Variants in NTNG1 observed in about 807,000 individuals in gnomAD.
The protein encoded by NTNG1 is netrin G1.
In NTNG1, 16 loss-of-function variants were observed where a neutral mutation model predicts 54.0. The ratio of observed to expected loss-of-function variants is 0.30; its 90% CI spans 0.20 to 0.45. The LOEUF (loss-of-function observed/expected upper bound fraction) is 0.45, where lower values mean the gene tolerates loss of function less well. Ranked by LOEUF, NTNG1 falls within the 20% of genes least tolerant of loss-of-function variation. The pLI, the probability that NTNG1 is intolerant of heterozygous loss-of-function variation, is 1.00. For missense variants in NTNG1, 530 were observed against 678.7 expected (o/e 0.78, Z 2.43); for synonymous variants, 255 against 263.1 (o/e 0.97, Z 0.30).
chr1:107,453,562 C>T (rs1469099906), intron 7 of NTNG1, among the ~76,000 whole-genome samples: 2 of 152,124 alleles, frequency 1.3e-5, no homozygotes, highest in African/African-American at 2.4e-5. Context: ...GGGGTTTCTT[C>T]GGTCCAGCAT....
At chr1:107,152,856 C>T (rs75570413) in intron 2 of NTNG1, among the ~76,000 whole-genome samples, 7,343 of 152,062 alleles carry the variant, frequency 0.048, 566 homozygotes, top group African/African-American at 0.17. Flanking sequence ...CTCTGAGGTA[C>T]AGTTAGCAAT....
rs577193420 is a variant in NTNG1 at position 107,419,229 on chromosome 1, C to A, written c.1087+11521C>A. Among the ~76,000 whole-genome samples, 36 of 133,764 alleles carry A rather than the reference C, an allele frequency of 2.7e-4. No individual in the cohort carries two copies. The South Asian group carries it at 9.1e-3, about 34-fold the overall frequency. 87.8% of individuals were successfully genotyped at this position (133,764 alleles called of 152,430 possible). On this transcript the variant is annotated intron_variant, in intron 5 of 7. Coordinates refer to ENST00000370068, the MANE Select transcript of NTNG1 (RefSeq NM_001113226.3). ...GTCTCCTCTCTCCCTCTCCCCGCTA[C>A]CTCCTCCCTCCTCTCTCTCTCTCTC... is the stretch of plus-strand genomic sequence containing the variant.
chr1:107,288,940 C>T (rs1665397270), intron 2 of NTNG1, among the ~76,000 whole-genome samples: 1 of 152,128 alleles, frequency 6.6e-6, no homozygotes, highest in Non-Finnish European at 1.5e-5. Context: ...TTTATACACA[C>T]AAAGTATACA....
chr1:107,397,923 G>C (rs1346750462), intron 4 of NTNG1, among the ~76,000 whole-genome samples: 1 of 151,932 alleles, frequency 6.6e-6, no homozygotes, highest in Non-Finnish European at 1.5e-5. Context: ...ACCTTCAGCA[G>C]TTTTATGATT....
At chr1:107,230,290 A>G (rs545867779) in intron 2 of NTNG1, among the ~76,000 whole-genome samples, 1 of 152,292 alleles carries the variant, frequency 6.6e-6, no homozygotes, top group East Asian at 1.9e-4. Flanking sequence ...CCCCACCTGT[A>G]TGCGGGTGGG....
chr1:107,151,842 C>G (rs1407512892), intron 2 of NTNG1, among the ~76,000 whole-genome samples: 2 of 151,934 alleles, frequency 1.3e-5, no homozygotes, highest in Non-Finnish European at 2.9e-5. Context: ...TGCTTATTAA[C>G]CTGGATGGCA....
chr1:107,177,781 A>C (rs1390995702), intron 2 of NTNG1, among the ~76,000 whole-genome samples: 1 of 152,182 alleles, frequency 6.6e-6, no homozygotes, highest in African/African-American at 2.4e-5. Flanking sequence ...TCAGTTATAT[A>C]AATTGCCTTT....
intron 2 of NTNG1, among the ~76,000 whole-genome samples, chr1:107,277,315 A>ATTTCT (rs1664544220): frequency 6.6e-6 from 1 of 152,168 alleles, no homozygotes. Flanking sequence ...CCTTGCAGTT[A>ATTTCT]GATTTCAGAG....
intron 1 of NTNG1, among the ~76,000 whole-genome samples, chr1:107,146,075 T>G (rs1249656635): frequency 6.6e-6 from 1 of 152,018 alleles, no homozygotes; most frequent in East Asian, 1.9e-4. Flanking sequence ...AAAAAGAAAG[T>G]GAAGACTAAT....
At chr1:107,186,332 T>G (rs1451711693) in intron 2 of NTNG1, among the ~76,000 whole-genome samples, 7 of 152,190 alleles carry the variant, frequency 4.6e-5, no homozygotes, top group Admixed American at 3.9e-4. Context: ...TGTCTACTCT[T>G]GCCTCTTCTA....
chr1:107,219,503 T>A (rs934509196), intron 2 of NTNG1, among the ~76,000 whole-genome samples: 1 of 152,308 alleles, frequency 6.6e-6, no homozygotes, highest in South Asian at 2.1e-4. Context: ...TTTTGTCATG[T>A]TACTGGAATT....
rs200910536 is a variant in NTNG1 at position 107,246,413 on chromosome 1, A to AAAT, written c.247-77867_247-77866insTAA. On this transcript the variant is annotated intron_variant, in intron 2 of 7. Transcript: ENST00000370068. ...TTTTATTCTCCTTGTTTAAGCAAAAAAAAAAAAAAAATGTCCTTGTGGGAA... is the reference window on the plus strand; with the variant it reads ...TTTTATTCTCCTTGTTTAAGCAAAAAAATAAAAAAAAAAATGTCCTTGTGGGAA... 3.3e-3 allele frequency among the ~76,000 whole-genome samples: 490 copies of AAAT among 150,722 alleles called. 3 individuals are homozygous for AAAT. The highest frequency in any genetic ancestry group is 0.012 in the African/African-American group (467 of 40,404).
At chr1:107,409,297 T>C (rs767051016) in intron 5 of NTNG1, 12 of 152,194 alleles carry the variant, frequency 7.9e-5, no homozygotes, top group African/African-American at 1.2e-4. Context: ...TGACACAGAT[T>C]ATTGAGGCTG....
intron 2 of NTNG1, among the ~76,000 whole-genome samples, chr1:107,293,540 T>A (rs1455413119): frequency 6.6e-6 from 1 of 152,180 alleles, no homozygotes; most frequent in Non-Finnish European, 1.5e-5. Flanking sequence ...GTTCCCAATG[T>A]CTTGGAAATT....
intron 3 of NTNG1, among the ~76,000 whole-genome samples, chr1:107,336,351 C>T (rs143643464): frequency 2.0e-5 from 3 of 151,528 alleles, no homozygotes; most frequent in East Asian, 3.9e-4. Flanking sequence ...CCAAGACCAT[C>T]GAGTGAGGAA....
At chr1:107,300,717 T>G (rs896620336) in intron 2 of NTNG1, among the ~76,000 whole-genome samples, 1 of 152,220 alleles carries the variant, frequency 6.6e-6, no homozygotes, top group Non-Finnish European at 1.5e-5. Flanking sequence ...TAAAGTTGAT[T>G]GTAGTATTTA....
intron 2 of NTNG1, among the ~76,000 whole-genome samples, chr1:107,250,438 G>A (rs1231619110): frequency 6.6e-6 from 1 of 152,116 alleles, no homozygotes; most frequent in East Asian, 1.9e-4. Flanking sequence ...AAGAAAGACA[G>A]CTGTGAAAAC....
intron 4 of NTNG1, among the ~76,000 whole-genome samples, chr1:107,395,935 G>A (rs190175350): frequency 1.1e-4 from 17 of 152,290 alleles, no homozygotes; most frequent in African/African-American, 3.9e-4. Context: ...TAAGAAAAAA[G>A]ATTTTTCTAC....
chr1:107,179,915 A>C (rs188154374), intron 2 of NTNG1, among the ~76,000 whole-genome samples: 131 of 152,252 alleles, frequency 8.6e-4, no homozygotes, highest in Admixed American at 2.7e-3. Flanking sequence ...TACATTAGTA[A>C]GTTGCATGTC....
Sources: gnomAD v4.1 joint callset for allele counts (sites outside exome capture counted in the v4.1 genomes callset) on GRCh38, gnomAD v4.1.1 for gene constraint, MANE v1.5 for transcripts, NCBI Gene and HGNC (gene_info 2026-07-23, HGNC 2026-07-21) for gene names.